Variants in CTNNA3 observed in about 807,000 individuals in gnomAD.
CTNNA3 encodes the protein catenin alpha 3.
Under a neutral mutation model 95.7 loss-of-function variants are expected in CTNNA3, and 76 were observed. The ratio of observed to expected loss-of-function variants is 0.79; its 90% CI spans 0.66 to 0.96. The LOEUF (loss-of-function observed/expected upper bound fraction) is 0.96. Among genes scored for constraint, CTNNA3 ranks in the 40% least tolerant of loss-of-function variants. CTNNA3 has a pLI of 0.00. For missense variants in CTNNA3, 1,191 were observed against 1,089.8 expected, an observed-to-expected ratio of 1.09 and a Z score of -1.31; for synonymous variants, 431 against 374.4, an observed-to-expected ratio of 1.15 and a Z score of -1.74.
intron 1 of CTNNA3, among the ~76,000 whole-genome samples, chr10:67,688,346 C>T (rs1343131322): frequency 2.0e-5 from 3 of 151,906 alleles, no homozygotes; most frequent in African/African-American, 4.8e-5. Context: ...TTAGAGGAGG[C>T]TTATCATTAA....
chr10:66,265,007 G>C (rs990224990), intron 13 of CTNNA3, among the ~76,000 whole-genome samples: 2 of 152,044 alleles, frequency 1.3e-5, no homozygotes, highest in African/African-American at 4.8e-5. Flanking sequence ...AGACTAGTAA[G>C]CTCATTAAGA....
rs150910690 is a variant in CTNNA3, at chr10:67,150,872, A to C, written c.1047+29445T>G. On this transcript the variant is annotated intron_variant, in intron 7 of 17. Transcript: ENST00000433211. ...TGGTATGAGGGGAAGAATTTTTTAA[A>C]AGATTTACTTGGAAGACTTCATTCT... Among the ~76,000 whole-genome samples the C allele has an allele frequency of 9.1e-4, 138 of 152,196 alleles. No individual in the cohort carries two copies. The East Asian group carries it at 0.02, about 22-fold the overall frequency.
rs59784692 is a variant in CTNNA3 at position 66,086,609 on chromosome 10, C to T, written c.1977+16548G>A. 2.6e-5 allele frequency among the ~76,000 whole-genome samples: 4 copies of T among 152,112 alleles called. No homozygotes were observed. In the East Asian group the frequency reaches 5.8e-4, roughly 22 times the overall value. On this transcript the variant is annotated intron_variant, in intron 14 of 17. Coordinates refer to ENST00000433211, the MANE Select transcript of CTNNA3 (RefSeq NM_013266.4). ...TTTAAAAAGGAAGAAAAAATTACCA[C>T]AAAAAACTTACCATCCACTATCACT...
chr10:67,458,948 C>A (rs1378602418), intron 5 of CTNNA3, among the ~76,000 whole-genome samples: 2 of 152,150 alleles, frequency 1.3e-5, no homozygotes, highest in Non-Finnish European at 2.9e-5. Context: ...TCAAACAACA[C>A]TTTTTCTCCA....
intron 5 of CTNNA3, among the ~76,000 whole-genome samples, chr10:67,284,395 G>A (rs1303926301): frequency 6.6e-6 from 1 of 152,092 alleles, no homozygotes; most frequent in Non-Finnish European, 1.5e-5. Flanking sequence ...TTTCAATGAA[G>A]ACAAAAGAAT....
At chr10:66,004,832 T>C (rs1249240920) in intron 15 of CTNNA3, among the ~76,000 whole-genome samples, 3 of 152,248 alleles carry the variant, frequency 2.0e-5, no homozygotes, top group African/African-American at 2.4e-5. Context: ...CTGTATTACT[T>C]GTTCCACTAA....
At chr10:67,382,694 T>G (rs1010987889) in intron 5 of CTNNA3, among the ~76,000 whole-genome samples, 1 of 152,124 alleles carries the variant, frequency 6.6e-6, no homozygotes, top group Non-Finnish European at 1.5e-5. Context: ...GCTGGGTGAT[T>G]TATAAAGAAA....
At chr10:66,403,618 G>A (rs1360933605) in intron 11 of CTNNA3, among the ~76,000 whole-genome samples, 1 of 152,100 alleles carries the variant, frequency 6.6e-6, no homozygotes, top group Non-Finnish European at 1.5e-5. Context: ...AATTCAAGAC[G>A]TAATTTGGGG....
intron 1 of CTNNA3, among the ~76,000 whole-genome samples, chr10:67,647,932 G>A (rs942023584): frequency 2.0e-5 from 3 of 152,274 alleles, no homozygotes; most frequent in Admixed American, 6.5e-5. Context: ...TGATGACTTA[G>A]ACAAGGAACA....
At chr10:67,598,393 T>C (rs1318710998) in intron 3 of CTNNA3, among the ~76,000 whole-genome samples, 3 of 152,124 alleles carry the variant, frequency 2.0e-5, no homozygotes, top group Admixed American at 2.0e-4. Flanking sequence ...GGGCCAGGAA[T>C]GAGTCCTGGT....
At chr10:67,517,661 C>T (rs1234281515) in intron 5 of CTNNA3, among the ~76,000 whole-genome samples, 5 of 152,098 alleles carry the variant, frequency 3.3e-5, no homozygotes. Context: ...AACCTACTTC[C>T]CCCAAGAGAT....
At chr10:66,055,671 A>C (rs10996865) in intron 15 of CTNNA3, among the ~76,000 whole-genome samples, 80,450 of 151,876 alleles carry the variant, frequency 0.53, 21,712 homozygotes, top group South Asian at 0.59. Flanking sequence ...CGCCTGTAAT[A>C]CCAGCACTTC....
intron 1 of CTNNA3, among the ~76,000 whole-genome samples, chr10:67,730,937 A>G (rs1168882251): frequency 6.6e-6 from 1 of 152,136 alleles, no homozygotes; most frequent in African/African-American, 2.4e-5. Flanking sequence ...TACTCATAAT[A>G]TTTAATAATA....
At chr10:66,664,469 G>T (rs1394589619) in intron 9 of CTNNA3, among the ~76,000 whole-genome samples, 3 of 152,108 alleles carry the variant, frequency 2.0e-5, no homozygotes, top group African/African-American at 7.2e-5. Context: ...GCAGAGAAGA[G>T]AAGATCTTGG....
chr10:66,643,551 A>C (rs779187590), intron 9 of CTNNA3, among the ~76,000 whole-genome samples: 4 of 152,158 alleles, frequency 2.6e-5, no homozygotes, highest in Non-Finnish European at 5.9e-5. Flanking sequence ...TATTCTGATG[A>C]AATAGGTATC....
chr10:66,991,326 C>T (rs1851023751), intron 7 of CTNNA3, among the ~76,000 whole-genome samples: 1 of 152,030 alleles, frequency 6.6e-6, no homozygotes, highest in Admixed American at 6.6e-5. Flanking sequence ...AATTAGTTTG[C>T]TTTTCTGAAA....
intron 4 of CTNNA3, among the ~76,000 whole-genome samples, chr10:67,539,101 T>C (rs1840578826): frequency 6.6e-6 from 1 of 152,194 alleles, no homozygotes; most frequent in Non-Finnish European, 1.5e-5. Flanking sequence ...GTAGAATTCA[T>C]TTACAAACCA....
chr10:66,301,119 A>G (rs763074403), intron 12 of CTNNA3, among the ~76,000 whole-genome samples: 4 of 152,156 alleles, frequency 2.6e-5, no homozygotes, highest in Non-Finnish European at 4.4e-5. Flanking sequence ...ACTGAAACTC[A>G]TATACACAGA....
At chr10:67,750,767 T>C in intron 1 of CTNNA3, 2 of 1,604,338 alleles carry the variant, frequency 1.2e-6, no homozygotes, top group South Asian at 2.2e-5. Context: ...GTCTCCAATT[T>C]CAACCACTTC....
Sources: allele counts gnomAD v4.1 joint callset (sites outside exome capture counted in the v4.1 genomes callset), GRCh38; gene constraint gnomAD v4.1.1; transcripts MANE v1.5; gene names NCBI Gene and HGNC (gene_info 2026-07-23, HGNC 2026-07-21).